Variants in AKT3 observed in about 807,000 individuals in gnomAD.
AKT3 encodes AKT serine/threonine kinase 3.
In AKT3, 15 loss-of-function variants were observed where a neutral mutation model predicts 65.3. The observed-to-expected ratio is 0.23, with a 90% CI of 0.15 to 0.35. The LOEUF is 0.35. Ranked by LOEUF, AKT3 falls within the 10% of genes least tolerant of loss-of-function variation. AKT3 has a pLI of 1.00. For synonymous variants in AKT3, 206 were observed against 183.8 expected, an observed-to-expected ratio of 1.12 and a Z score of -0.98; for missense variants, 243 against 576.5, an observed-to-expected ratio of 0.42 and a Z score of 5.92.
intron 2 of AKT3, among the ~76,000 whole-genome samples, chr1:243,725,231 G>A (rs1687139208): frequency 6.6e-6 from 1 of 151,828 alleles, no homozygotes. Flanking sequence ...AAATGAAACT[G>A]CAATAAGGGC....
chr1:243,678,410 T>C (rs1040329516), intron 3 of AKT3, among the ~76,000 whole-genome samples: 2 of 152,140 alleles, frequency 1.3e-5, no homozygotes, highest in African/African-American at 2.4e-5. Flanking sequence ...CCTTCACTGA[T>C]CTCTAGAAGA....
intron 7 of AKT3, 112 bp from the exon 8 acceptor site, chr1:243,613,851 T>C: frequency 1.7e-6 from 1 of 595,308 alleles, no homozygotes; most frequent in South Asian, 4.9e-5. Flanking sequence ...TGAAAAGAAT[T>C]GTTATTGTTT....
At chr1:243,674,281 C>T (rs1165787820) in intron 3 of AKT3, among the ~76,000 whole-genome samples, 1 of 152,180 alleles carries the variant, frequency 6.6e-6, no homozygotes, top group African/African-American at 2.4e-5. Context: ...CACAGATTAT[C>T]TGGTAACCAC....
chr1:243,559,320 CACAAA>C (rs1049219472), intron 10 of AKT3, among the ~76,000 whole-genome samples: 11 of 152,100 alleles, frequency 7.2e-5, no homozygotes, highest in African/African-American at 2.7e-4. Flanking sequence ...CTGTTAAAAA[CACAAA>C]ACAAAACAAA....
chr1:243,657,401 T>TA lies in AKT3; in HGVS notation c.284+7370dup, dbSNP rs1185349562. Among the ~76,000 whole-genome samples the TA allele has an allele frequency of 2.0e-5, 3 of 152,006 alleles. No individual in the cohort carries two copies. In the East Asian group the frequency reaches 5.8e-4, roughly 29 times the overall value. ...AAGGCAAATCCCATTTACAAAAGCA[T>TA]AAAAAAGAATAAAGTACTTTAGGAA... On this transcript the variant is annotated intron_variant, in intron 4 of 13. Transcript: ENST00000673466.
chr1:243,570,901 C>T (rs1030052639), intron 9 of AKT3, among the ~76,000 whole-genome samples: 1 of 152,120 alleles, frequency 6.6e-6, no homozygotes, highest in Non-Finnish European at 1.5e-5. Context: ...GAACTGTGCA[C>T]GTGGTAACTA....
At chr1:243,812,641 A>G (rs1693238403) in intron 2 of AKT3, among the ~76,000 whole-genome samples, 1 of 152,160 alleles carries the variant, frequency 6.6e-6, no homozygotes, top group South Asian at 2.1e-4. Flanking sequence ...AACTAGAAAT[A>G]CCATTTGACC....
chr1:243,844,337 CAAAACTATACTGCCTT>C (rs912325432), intron 1 of AKT3, among the ~76,000 whole-genome samples: 1 of 152,152 alleles, frequency 6.6e-6, no homozygotes, highest in African/African-American at 2.4e-5. Context: ...GCCTGCATTC[CAAAACTATACTGCCTT>C]AAGATAAAAA....
chr1:243,730,171 C>CGCA (rs1687460180), intron 2 of AKT3, among the ~76,000 whole-genome samples: 2 of 152,312 alleles, frequency 1.3e-5, no homozygotes, highest in Admixed American at 1.3e-4. Context: ...CCACTCAGCA[C>CGCA]GCACTTCCTC....
intron 2 of AKT3, chr1:243,739,472 T>C (rs1444514567): frequency 6.6e-6 from 1 of 152,226 alleles, no homozygotes; most frequent in African/African-American, 2.4e-5. Context: ...GTTAAATTTT[T>C]AAATCAAAAT....
chr1:243,497,336 G>GT (rs1355512431), downstream of AKT3, among the ~76,000 whole-genome samples: 15 of 146,140 alleles, frequency 1.0e-4, no homozygotes, highest in South Asian at 1.8e-3. Flanking sequence ...GTAGGCACGG[G>GT]TGGGGGGGGG....
chr1:243,619,067 T>C (rs919375195), intron 6 of AKT3, among the ~76,000 whole-genome samples: 3 of 152,224 alleles, frequency 2.0e-5, no homozygotes, highest in East Asian at 3.9e-4. Context: ...CTGCTCACAT[T>C]ATTTTCTCCA....
chr1:243,637,493 C>A, intron 6 of AKT3, 118 bp downstream of exon 6: 1 of 760,052 alleles, frequency 1.3e-6, no homozygotes, highest in African/African-American at 1.8e-5. Context: ...CAGTAGTCTA[C>A]AACCATATTT....
chr1:243,499,659 G>A (rs1435333194), downstream of AKT3: 19 of 1,008,808 alleles, frequency 1.9e-5, no homozygotes, highest in Non-Finnish European at 2.8e-5. Flanking sequence ...TCCAACAACA[G>A]TTTTCATCAT....
chr1:243,598,850 T>C (rs1432256115), intron 8 of AKT3, among the ~76,000 whole-genome samples: 2 of 152,220 alleles, frequency 1.3e-5, no homozygotes, highest in Non-Finnish European at 2.9e-5. Flanking sequence ...CATCTCCTTC[T>C]AGAAATCATG....
At chr1:243,654,066 T>C (rs1310108379) in intron 4 of AKT3, among the ~76,000 whole-genome samples, 6 of 152,162 alleles carry the variant, frequency 3.9e-5, no homozygotes, top group Non-Finnish European at 5.9e-5. Flanking sequence ...GGTCCACTTA[T>C]GTAATATATG....
At chr1:243,731,080 C>T (rs755850645) in intron 2 of AKT3, among the ~76,000 whole-genome samples, 143 of 152,260 alleles carry the variant, frequency 9.4e-4, no homozygotes, top group Non-Finnish European at 1.4e-3. Context: ...CAAGCAGGGG[C>T]GCCACAGGCC....
intron 2 of AKT3, among the ~76,000 whole-genome samples, chr1:243,820,765 T>C (rs1365380663): frequency 6.6e-6 from 1 of 152,136 alleles, no homozygotes; most frequent in East Asian, 1.9e-4. Flanking sequence ...AGAAAACCTC[T>C]GAGAACTATG....
intron 3 of AKT3, among the ~76,000 whole-genome samples, chr1:243,695,008 A>C (rs1442969528): frequency 6.6e-6 from 1 of 152,016 alleles, no homozygotes; most frequent in Non-Finnish European, 1.5e-5. Flanking sequence ...TGGTAATAAC[A>C]TAACAATAAT....
Sources: gnomAD v4.1 joint callset for allele counts (sites outside exome capture counted in the v4.1 genomes callset) on GRCh38, gnomAD v4.1.1 for gene constraint, MANE v1.5 for transcripts, NCBI Gene and HGNC (gene_info 2026-07-23, HGNC 2026-07-21) for gene names.